ZNF570: variants seen among roughly 807,000 people sequenced by gnomAD.
The protein encoded by ZNF570 is zinc finger protein 570.
ZNF570 carries 8 observed loss-of-function variants against 14.2 expected under a neutral mutation model. That is an observed-to-expected ratio of 0.56 (90% CI 0.33 to 1.02). The LOEUF is 1.02. ZNF570 is among the 50% of genes least tolerant of loss of function. ZNF570 has a pLI of 0.03. For missense variants in ZNF570, 559 were observed against 624.9 expected (o/e 0.89, Z 1.12); for synonymous variants, 202 against 207.6 (o/e 0.97, Z 0.23).
At position 37,485,045 on chromosome 19, in the gene ZNF570, T is replaced by G. The variant is rs1392306906; in HGVS notation, c.1423T>G (p.Cys475Gly). The G allele has an allele frequency of 6.2e-7, 1 of 1,614,124 alleles. No individual in the cohort carries two copies. The change falls in exon 5 of 5, where the codon TGT becomes GGT. Residue 475 changes from cysteine to glycine, a missense_variant. Coordinates refer to ENST00000330173, the MANE Select transcript of ZNF570 (RefSeq NM_144694.5). Reference sequence around the variant, plus strand: ...AGAGAAACCTTATGAATGTACTGTTTGTGGAAAGGCTTTTAGTTACTGTGG... The same window carrying G: ...AGAGAAACCTTATGAATGTACTGTTGGTGGAAAGGCTTTTAGTTACTGTGG... ...TGEKPYECTVCGKAFSYCGSL... is the reference protein window; with the variant it reads ...TGEKPYECTVGGKAFSYCGSL...
At position 37,484,444 on chromosome 19, in the gene ZNF570, T is replaced by A; in HGVS notation, c.822T>A (p.Tyr274Ter). 6.2e-7 allele frequency: 1 copy of A among 1,614,046 alleles called. No individual in the cohort carries two copies. The change falls in exon 5 of 5, where the codon TAT (tyrosine) becomes TAA (stop). Residue 274 changes from tyrosine (Y) to a stop codon, truncating the protein, a stop_gained. Coordinates refer to ENST00000330173, the MANE Select transcript of ZNF570 (RefSeq NM_144694.5). LOFTEE classifies it low-confidence loss of function (END_TRUNC). ...GGATTCATACTGGAGAAAAACCCTA[T>A]GAATGTAAGGAATGTAGGAAAGCCT... ...HQRIHTGEKPYECKECRKAFS... is the reference protein window; with the variant it reads ...HQRIHTGEKP
chr19:37,473,793 GA>G (rs1201153618), intron 2 of ZNF570, among the ~76,000 whole-genome samples: 1 of 152,204 alleles, frequency 6.6e-6, no homozygotes, highest in Non-Finnish European at 1.5e-5. Flanking sequence ...GAATGGCATT[GA>G]AGAGAGTAAC....
Position 37,478,933 on chromosome 19 carries a change from A to G in ZNF570, c.256+2499A>G, listed in dbSNP as rs543936477. Among the ~76,000 whole-genome samples, 4 of 151,250 alleles carry G rather than the reference A, an allele frequency of 2.6e-5. No individual in the cohort carries two copies. The East Asian group carries it at 5.8e-4, about 22-fold the overall frequency. On this transcript the variant is annotated intron_variant, in intron 4 of 4. Transcript: ENST00000330173. ...TTTTGTTTGGGTGTTTTGCATCTGTATTTATTAGTGAATTTGATCTTCAGT... is the reference window on the plus strand; with the variant it reads ...TTTTGTTTGGGTGTTTTGCATCTGTGTTTATTAGTGAATTTGATCTTCAGT...
At position 37,488,108 on chromosome 19, in the gene ZNF570, CCT is replaced by C. The variant is rs752813822; in HGVS notation, c.*2878_*2879del. On this transcript the variant is annotated 3_prime_UTR_variant, in exon 5 of 5. Transcript: ENST00000330173. The stretch of plus-strand genomic sequence containing the variant: ...TTGACCCAGCAATTCCATGTTTAAA[CCT>C]CTACATAGTCTCTCCTCGTGTTTCA... 3 of 152,174 alleles carry C rather than the reference CCT, an allele frequency of 2.0e-5. No individual in the cohort carries two copies. The highest frequency in any genetic ancestry group is 4.4e-5 in the Non-Finnish European group (3 of 68,028). 9.4% of individuals were successfully genotyped at this position (152,174 alleles called of 1,614,324 possible).
chr19:37,482,917 G>C (rs764421073), intron 4 of ZNF570, among the ~76,000 whole-genome samples: 57 of 149,044 alleles, frequency 3.8e-4, no homozygotes, highest in Non-Finnish European at 6.2e-4. Context: ...TGTAAAGAAG[G>C]TGCGTGCTTC....
At position 37,484,073 on chromosome 19, in the gene ZNF570, A is replaced by G; in HGVS notation, c.451A>G (p.Ile151Val). Reference protein sequence around the residue: ...NQKACFKEEIITHEEPLFDER... With the variant: ...NQKACFKEEIVTHEEPLFDER... ...GAAGGCGTGTTTCAAGGAAGAGATA[A>G]TCACTCATGAAGAACCCCTTTTTGA... Residue 151 changes from isoleucine (I) to valine (V), a missense_variant, in exon 5 of 5, where the codon ATC becomes GTC. Transcript: ENST00000330173. 1 of 1,614,152 alleles carries G rather than the reference A, an allele frequency of 6.2e-7. No homozygotes were observed. Among genetic ancestry groups the G allele is most frequent in the Non-Finnish European group, 8.5e-7 (1 of 1,180,020 alleles).
At position 37,487,902 on chromosome 19, in the gene ZNF570, A is replaced by T. The variant is rs534995377; in HGVS notation, c.*2669A>T. On this transcript the variant is annotated 3_prime_UTR_variant, in exon 5 of 5. Transcript: ENST00000330173. The stretch of plus-strand genomic sequence containing the variant: ...AGTAGTAAGGGGATTCACTAGTAGT[A>T]AGGGAAATGCAAAATAAAATCACAT... 6.6e-6 allele frequency: 1 copy of T among 152,356 alleles called. No homozygotes were observed. The highest frequency in any genetic ancestry group is 2.4e-5 in the African/African-American group (1 of 41,594). The allele number at this position is 152,356 out of a possible 1,614,324, so 9.4% of individuals were successfully genotyped here.
chr19:37,485,030 T>A lies in ZNF570; in HGVS notation c.1408T>A (p.Tyr470Asn). ...HQRVHTGEKP[Y>N]ECTVCGKAFS... ...GCGAGTTCATACTGGAGAGAAACCT[T>A]ATGAATGTACTGTTTGTGGAAAGGC... Residue 470 changes from tyrosine to asparagine, a missense_variant, in exon 5 of 5, where the codon TAT becomes AAT. Physicochemically the swap from Tyr to Asn is moderately radical, Grantham distance 143. Coordinates refer to ENST00000330173, the MANE Select transcript of ZNF570 (RefSeq NM_144694.5). 6.2e-7 allele frequency: 1 copy of A among 1,614,116 alleles called. No individual in the cohort carries two copies. Among genetic ancestry groups the A allele is most frequent in the Non-Finnish European group, 8.5e-7 (1 of 1,180,014 alleles).
chr19:37,479,262 G>T (rs2042060228), intron 4 of ZNF570, among the ~76,000 whole-genome samples: 1 of 151,860 alleles, frequency 6.6e-6, no homozygotes, highest in Non-Finnish European at 1.5e-5. Context: ...TATTTTTCTG[G>T]TTCTCAATGA....
intron 2 of ZNF570, among the ~76,000 whole-genome samples, chr19:37,473,514 T>G (rs1002923192): frequency 6.6e-6 from 1 of 152,150 alleles, no homozygotes; most frequent in African/African-American, 2.4e-5. Flanking sequence ...CAGAATTTGA[T>G]TTCTGGTGGA....
chr19:37,482,642 T>C (rs1435401098), intron 4 of ZNF570, among the ~76,000 whole-genome samples: 1 of 152,114 alleles, frequency 6.6e-6, no homozygotes, highest in Non-Finnish European at 1.5e-5. Flanking sequence ...CTGTTACGGT[T>C]TGGCTCTGGA....
chr19:37,483,143 C>G lies in ZNF570; in HGVS notation c.257-736C>G, dbSNP rs529021122. ...TTTTACCTCCTGACTTTATATCCTA[C>G]TACTCACTCTATAGCCACACTGGCC... is the stretch of plus-strand genomic sequence containing the variant. On this transcript the variant is annotated intron_variant, in intron 4 of 4. Coordinates refer to ENST00000330173, the MANE Select transcript of ZNF570 (RefSeq NM_144694.5). 2.0e-5 allele frequency among the ~76,000 whole-genome samples: 3 copies of G among 152,270 alleles called. No homozygotes were observed. In the East Asian group the frequency reaches 5.8e-4, roughly 29 times the overall value.
rs2042160076 is a variant in ZNF570, at chr19:37,486,861, AC to A, written c.*1630del. The stretch of plus-strand genomic sequence containing the variant: ...GAAGGAATAGAAATGGTCACAATTA[AC>A]CAAAAAAAATCAATAAACATAGAAA... On this transcript the variant is annotated 3_prime_UTR_variant, in exon 5 of 5. Transcript: ENST00000330173. 6.6e-6 allele frequency: 1 copy of A among 152,204 alleles called. No homozygotes were observed. Among genetic ancestry groups the A allele is most frequent in the East Asian group, 1.9e-4 (1 of 5,198 alleles). The allele number at this position is 152,204 out of a possible 1,614,324, so 9.4% of individuals were successfully genotyped here.
intron 2 of ZNF570, among the ~76,000 whole-genome samples, chr19:37,471,354 A>G (rs1228886405): frequency 1.3e-5 from 2 of 152,080 alleles, no homozygotes; most frequent in Non-Finnish European, 2.9e-5. Flanking sequence ...TGCACTTGCT[A>G]TTCTCTCTGC....
intron 1 of ZNF570, 150 bp from the exon 2 acceptor site, chr19:37,470,154 G>T: frequency 1.6e-6 from 1 of 619,848 alleles, no homozygotes; most frequent in Non-Finnish European, 2.8e-6. Flanking sequence ...CAGTTAAATT[G>T]TATGCAAACA....
Position 37,486,260 on chromosome 19 carries a change from A to G in ZNF570, c.*1027A>G, listed in dbSNP as rs2042154479. ...GCACTTCCCAGGACTAAGAGCTTAG[A>G]TTCTGGAAAATCATAGCTCCAACAC... On this transcript the variant is annotated 3_prime_UTR_variant, in exon 5 of 5. Coordinates refer to ENST00000330173, the MANE Select transcript of ZNF570 (RefSeq NM_144694.5). 6.6e-6 allele frequency: 1 copy of G among 152,114 alleles called. No individual in the cohort carries two copies. Among genetic ancestry groups the G allele is most frequent in the Admixed American group, 6.6e-5 (1 of 15,258 alleles). 9.4% of individuals were successfully genotyped at this position (152,114 alleles called of 1,614,324 possible). A position where few individuals can be genotyped will look rare whatever the true frequency, so the allele number is the denominator to read the frequency against.
chr19:37,485,254 C>T lies in ZNF570; in HGVS notation c.*21C>T. ...TATAGATCCTGAGTCCTAAATGTTT[C>T]TAGAATTTATACTGTTTTTTATCTT... On this transcript the variant is annotated 3_prime_UTR_variant, in exon 5 of 5. Transcript: ENST00000330173. The T allele has an allele frequency of 1.3e-6, 2 of 1,517,712 alleles. No homozygotes were observed. The highest frequency in any genetic ancestry group is 2.7e-5 in the South Asian group (2 of 73,732). 94.0% of individuals were successfully genotyped at this position (1,517,712 alleles called of 1,614,324 possible).
intron 1 of ZNF570, chr19:37,469,780 G>T: frequency 1.7e-6 from 1 of 588,706 alleles, no homozygotes; most frequent in Non-Finnish European, 3.0e-6. Flanking sequence ...AGCCTTGCCG[G>T]TATGGGAAAG....
At position 37,486,583 on chromosome 19, in the gene ZNF570, C is replaced by G. The variant is rs985413081; in HGVS notation, c.*1350C>G. On this transcript the variant is annotated 3_prime_UTR_variant, in exon 5 of 5. Transcript: ENST00000330173. The stretch of plus-strand genomic sequence containing the variant: ...CATATATTAACTCATCTACTCCTCA[C>G]AAAACAAGATTCCTTATTGGACAAA... The G allele has an allele frequency of 6.6e-6, 1 of 152,192 alleles. No individual in the cohort carries two copies. The highest frequency in any genetic ancestry group is 2.4e-5 in the African/African-American group (1 of 41,450). The allele number at this position is 152,192 out of a possible 1,614,324, so 9.4% of individuals were successfully genotyped here.
Sources: allele counts gnomAD v4.1 joint callset (sites outside exome capture counted in the v4.1 genomes callset), GRCh38; gene constraint gnomAD v4.1.1; transcripts MANE v1.5; gene names NCBI Gene and HGNC (gene_info 2026-07-23, HGNC 2026-07-21).